LUZP2: variants seen among roughly 807,000 people sequenced by gnomAD.
The protein encoded by LUZP2 is leucine zipper protein 2.
LUZP2 carries 52 observed loss-of-function variants against 51.6 expected under a neutral mutation model. The observed-to-expected ratio is 1.01, with a 90% CI of 0.81 to 1.27. The LOEUF (loss-of-function observed/expected upper bound fraction) is 1.27, where lower values mean the gene tolerates loss of function less well. Ranked by LOEUF, LUZP2 falls within the 50% of genes most tolerant of loss-of-function variation. The pLI is 0.00. For synonymous variants in LUZP2, 154 were observed against 137.3 expected (o/e 1.12, Z -0.85); for missense variants, 436 against 395.4 (o/e 1.10, Z -0.87).
intron 7 of LUZP2, among the ~76,000 whole-genome samples, chr11:24,959,035 T>C (rs1855303868): frequency 2.0e-5 from 3 of 152,192 alleles, no homozygotes; most frequent in Admixed American, 2.0e-4. Context: ...TGCTTGTTTT[T>C]CTCAGGTTTG....
intron 5 of LUZP2, among the ~76,000 whole-genome samples, chr11:24,776,994 GT>G (rs34070504): frequency 2.1e-3 from 282 of 136,778 alleles, no homozygotes; most frequent in Non-Finnish European, 2.6e-3. Flanking sequence ...ACTGTAAGTA[GT>G]TTTTTTTTTT....
intron 1 of LUZP2, among the ~76,000 whole-genome samples, chr11:24,581,858 G>T (rs1852868082): frequency 6.6e-6 from 1 of 151,974 alleles, no homozygotes; most frequent in Non-Finnish European, 1.5e-5. Flanking sequence ...TCATTAAGAG[G>T]AAACAGAGGC....
At chr11:24,533,595 T>G (rs963378965) in intron 1 of LUZP2, among the ~76,000 whole-genome samples, 2 of 151,256 alleles carry the variant, frequency 1.3e-5, no homozygotes. Flanking sequence ...ATATAAAGCA[T>G]GCAAAAGTAA....
chr11:24,539,517 C>T (rs1191813871), intron 1 of LUZP2, among the ~76,000 whole-genome samples: 1 of 151,908 alleles, frequency 6.6e-6, no homozygotes, highest in Non-Finnish European at 1.5e-5. Flanking sequence ...TCAAATCAAG[C>T]ATACACTATG....
At position 24,503,877 on chromosome 11, in the gene LUZP2, TA is replaced by T. The variant is rs774693005; in HGVS notation, c.62+6577del. 1.1e-4 allele frequency among the ~76,000 whole-genome samples: 16 copies of T among 152,226 alleles called. 1 individual carries two copies. In the East Asian group the frequency reaches 3.1e-3, roughly 29 times the overall value. ...AGTTATTATGGAGTATAAAATAACTTAAAAACAAATTGTTGCACCACATGTA... is the reference window on the plus strand; with the variant it reads ...AGTTATTATGGAGTATAAAATAACTTAAAACAAATTGTTGCACCACATGTA... On this transcript the variant is annotated intron_variant, in intron 1 of 11. Coordinates refer to ENST00000336930, the MANE Select transcript of LUZP2 (RefSeq NM_001009909.4).
chr11:24,983,442 T>C, intron 9 of LUZP2, 149 bp downstream of exon 9: 1 of 767,764 alleles, frequency 1.3e-6, no homozygotes, highest in Non-Finnish European at 2.0e-6. Flanking sequence ...TAACCCAGCT[T>C]GTAAAATCTC....
intron 7 of LUZP2, among the ~76,000 whole-genome samples, chr11:24,944,319 T>C (rs967615853): frequency 6.6e-6 from 1 of 152,224 alleles, no homozygotes; most frequent in Non-Finnish European, 1.5e-5. Context: ...GAGGTAACCA[T>C]GGCTCTGAGA....
chr11:24,973,351 T>A (rs1322442790), intron 7 of LUZP2, among the ~76,000 whole-genome samples: 3 of 119,744 alleles, frequency 2.5e-5, no homozygotes, highest in Non-Finnish European at 5.2e-5. Context: ...GCTAGTATTC[T>A]ATATATTTAT....
At chr11:25,036,006 C>G (rs567349981) in intron 9 of LUZP2, among the ~76,000 whole-genome samples, 17 of 152,122 alleles carry the variant, frequency 1.1e-4, no homozygotes, top group Non-Finnish European at 2.2e-4. Context: ...GGAGGCCCTC[C>G]TCCCCAGCTT....
chr11:24,924,297 C>T (rs367730161), intron 7 of LUZP2, among the ~76,000 whole-genome samples: 3 of 152,132 alleles, frequency 2.0e-5, no homozygotes, highest in Non-Finnish European at 4.4e-5. Context: ...AGGATGGTCT[C>T]GGTCTCCTGA....
At chr11:24,567,820 T>C (rs1454890186) in intron 1 of LUZP2, among the ~76,000 whole-genome samples, 1 of 152,008 alleles carries the variant, frequency 6.6e-6, no homozygotes, top group Non-Finnish European at 1.5e-5. Flanking sequence ...CAGATCTGCC[T>C]GAAAAAGAGA....
At chr11:24,724,512 A>C (rs1388508560) in intron 1 of LUZP2, among the ~76,000 whole-genome samples, 2 of 152,132 alleles carry the variant, frequency 1.3e-5, no homozygotes. Context: ...CAGAGGTTGC[A>C]GTAAGCCGAG....
In LUZP2 at chr11:24,826,305, T is replaced by C. The variant is rs186341551; in HGVS notation, c.396+62997T>C. On this transcript the variant is annotated intron_variant, in intron 5 of 11. Coordinates refer to ENST00000336930, the MANE Select transcript of LUZP2 (RefSeq NM_001009909.4). Reference sequence around the variant, plus strand: ...CTGATGCTCTGTAATTATTGTCTTATAGATCTTGACTATGATATGGTAGTT... The same window carrying C: ...CTGATGCTCTGTAATTATTGTCTTACAGATCTTGACTATGATATGGTAGTT... 1.5e-3 allele frequency among the ~76,000 whole-genome samples: 220 copies of C among 151,002 alleles called. 1 individual carries two copies. Among genetic ancestry groups the C allele is most frequent in the Non-Finnish European group, 1.7e-3 (115 of 67,780 alleles).
chr11:24,675,789 ATATTTATT>A (rs61265735), intron 1 of LUZP2, among the ~76,000 whole-genome samples: 4,098 of 136,750 alleles, frequency 0.03, 63 homozygotes, highest in Middle Eastern at 0.071. Context: ...TCTTTTTTTT[ATATTTATT>A]TATTTATTTA....
intron 5 of LUZP2, among the ~76,000 whole-genome samples, chr11:24,902,638 G>A (rs80047193): frequency 0.049 from 7,489 of 152,140 alleles, 456 homozygotes; most frequent in African/African-American, 0.14. Flanking sequence ...TTAAGGAATA[G>A]TCTATTCTGA....
At chr11:24,846,946 C>T (rs190392675) in intron 5 of LUZP2, among the ~76,000 whole-genome samples, 48 of 151,454 alleles carry the variant, frequency 3.2e-4, no homozygotes, top group Non-Finnish European at 5.0e-4. Context: ...TACATATATA[C>T]ACATATGTAC....
intron 7 of LUZP2, among the ~76,000 whole-genome samples, chr11:24,926,495 GTA>G (rs200566769): frequency 2.4e-5 from 2 of 84,236 alleles, no homozygotes; most frequent in East Asian, 6.4e-4. Flanking sequence ...ATATATATGT[GTA>G]TATATGTGTG....
chr11:24,829,617 T>C (rs374049007), intron 5 of LUZP2, among the ~76,000 whole-genome samples: 9 of 152,296 alleles, frequency 5.9e-5, no homozygotes, highest in African/African-American at 2.2e-4. Context: ...CATTGCTGCA[T>C]TGCTGTGATA....
chr11:24,967,505 A>C (rs1375046337), intron 7 of LUZP2, among the ~76,000 whole-genome samples: 1 of 151,592 alleles, frequency 6.6e-6, no homozygotes, highest in Non-Finnish European at 1.5e-5. Context: ...CTAGTATTCC[A>C]GTGTACATAT....
Sources: allele counts gnomAD v4.1 joint callset (sites outside exome capture counted in the v4.1 genomes callset), GRCh38; gene constraint gnomAD v4.1.1; transcripts MANE v1.5; gene names NCBI Gene and HGNC (gene_info 2026-07-23, HGNC 2026-07-21).